The following LSAMP variants were observed in gnomAD, a reference collection of about 807,000 sequenced individuals.
The protein encoded by LSAMP is limbic system associated membrane protein, also known as limbic system-associated membrane protein.
Under a neutral mutation model 38.6 loss-of-function variants are expected in LSAMP, and 7 were observed. The ratio of observed to expected loss-of-function variants is 0.18; its 90% confidence interval spans 0.10 to 0.34. The LOEUF (loss-of-function observed/expected upper bound fraction) is 0.34. Ranked by LOEUF, LSAMP falls within the 10% of genes least tolerant of loss-of-function variation. The pLI is 1.00. For missense variants in LSAMP, 313 were observed against 420.0 expected (o/e 0.75, Z 2.23); for synonymous variants, 154 against 166.8 (o/e 0.92, Z 0.59).
intron 1 of LSAMP, among the ~76,000 whole-genome samples, chr3:116,400,599 C>T (rs1345569258): frequency 6.6e-6 from 1 of 151,940 alleles, no homozygotes; most frequent in African/African-American, 2.4e-5. Context: ...TTGTCTCAGC[C>T]CCCAAGTAGC....
chr3:116,224,753 T>C (rs933701978), intron 1 of LSAMP, among the ~76,000 whole-genome samples: 2 of 152,156 alleles, frequency 1.3e-5, no homozygotes, highest in Non-Finnish European at 2.9e-5. Flanking sequence ...ATGGAAGCCG[T>C]AGTTCTTGAG....
At chr3:116,426,461 C>CAAAAAAAAAAAAAAAAAAAAAAAAAA (rs34278703) in intron 1 of LSAMP, among the ~76,000 whole-genome samples, 1 of 85,536 alleles carries the variant, frequency 1.2e-5, no homozygotes, top group Non-Finnish European at 2.3e-5. Flanking sequence ...AACTCCGTCT[C>CAAAAAAAAAAAAAAAAAAAAAAAAAA]AAAAAAAAAA....
In LSAMP at chr3:115,810,413, T is replaced by C; in HGVS notation, c.921A>G (p.Arg307=). ...CATTTATTCCTCTCACCGACCCAGG[T>C]CCTGCAGAGCAAAAGAGGAGAGAGA... ...GVTNASLVLF[R]PGSVRGINGS... is the part of the protein sequence containing the mutation. Residue 307 remains arginine (R), a splice_region_variant and synonymous_variant, in exon 7 of 7, where the codon AGA becomes AGG. Transcript: ENST00000490035. 1 of 1,609,512 alleles carries C rather than the reference T, an allele frequency of 6.2e-7. No homozygotes were observed. Among genetic ancestry groups the C allele is most frequent in the East Asian group, 2.2e-5 (1 of 44,856 alleles).
intron 1 of LSAMP, among the ~76,000 whole-genome samples, chr3:116,391,842 G>A (rs939872621): frequency 3.3e-5 from 5 of 152,092 alleles, no homozygotes; most frequent in South Asian, 2.1e-4. Flanking sequence ...GGTTTCTTGC[G>A]CCTTGGGAAG....
Position 115,808,228 on chromosome 3 carries a change from G to A in LSAMP, c.*2089C>T, listed in dbSNP as rs1405597357. ...TCCTTTCTTTTTTTCCAGTTACAAA[G>A]TTTCTCATTTTATAACATGGAACAG... On this transcript the variant is annotated 3_prime_UTR_variant, in exon 7 of 7. Transcript: ENST00000490035. The A allele has an allele frequency of 1.4e-5, 2 of 146,806 alleles. No individual in the cohort carries two copies. The highest frequency in any genetic ancestry group is 3.0e-5 in the Non-Finnish European group (2 of 67,032). The allele number at this position is 146,806 out of a possible 1,614,324, so 9.1% of individuals were successfully genotyped here. A position where few individuals can be genotyped will look rare whatever the true frequency, so the allele number is the denominator to read the frequency against.
chr3:115,915,112 T>C (rs1384898194), intron 3 of LSAMP, among the ~76,000 whole-genome samples: 1 of 152,222 alleles, frequency 6.6e-6, no homozygotes, highest in Non-Finnish European at 1.5e-5. Context: ...TGCTGTTATG[T>C]AAGTTAAACT....
chr3:115,924,639 T>C (rs1937457928), intron 3 of LSAMP, among the ~76,000 whole-genome samples: 1 of 152,202 alleles, frequency 6.6e-6, no homozygotes, highest in South Asian at 2.1e-4. Context: ...GATAGGCTGA[T>C]AAAGTAGGGA....
chr3:116,428,509 A>G (rs1356006657), intron 1 of LSAMP, among the ~76,000 whole-genome samples: 2 of 152,176 alleles, frequency 1.3e-5, no homozygotes, highest in African/African-American at 4.8e-5. Context: ...AAAACCTACC[A>G]TGTATTTAGA....
intron 1 of LSAMP, among the ~76,000 whole-genome samples, chr3:116,209,890 A>G (rs991890056): frequency 6.6e-6 from 1 of 152,066 alleles, no homozygotes; most frequent in Non-Finnish European, 1.5e-5. Context: ...AGCTGGGACT[A>G]CAGGCATCCG....
At chr3:115,899,821 G>A (rs1431864965) in intron 3 of LSAMP, among the ~76,000 whole-genome samples, 1 of 152,138 alleles carries the variant, frequency 6.6e-6, no homozygotes, top group African/African-American at 2.4e-5. Flanking sequence ...GTCGACAACA[G>A]AAGTCTCTAA....
chr3:116,344,983 C>G (rs1316243731), intron 1 of LSAMP, among the ~76,000 whole-genome samples: 1 of 152,094 alleles, frequency 6.6e-6, no homozygotes, highest in African/African-American at 2.4e-5. Flanking sequence ...AGATTGTAAT[C>G]CCTGTGTGTA....
chr3:115,822,983 A>G lies in LSAMP; in HGVS notation c.920-12569T>C, dbSNP rs139581947. 4.3e-4 allele frequency among the ~76,000 whole-genome samples: 66 copies of G among 152,372 alleles called. No homozygotes were observed. In the East Asian group the frequency reaches 0.012, roughly 27 times the overall value. On this transcript the variant is annotated intron_variant, in intron 6 of 6. Transcript: ENST00000490035. ...ATGGTGTTAATTCCTTGTTGAATGA[A>G]TGAATGAAACCAAACTAAAATAATG...
chr3:116,071,095 A>ATAAC (rs71616340), intron 2 of LSAMP, among the ~76,000 whole-genome samples: 1 of 149,808 alleles, frequency 6.7e-6, no homozygotes, highest in East Asian at 1.9e-4. Flanking sequence ...AAATAAATAA[A>ATAAC]ATAATGTACC....
intron 1 of LSAMP, among the ~76,000 whole-genome samples, chr3:116,127,268 G>C (rs1709028673): frequency 6.6e-6 from 1 of 152,112 alleles, no homozygotes; most frequent in Non-Finnish European, 1.5e-5. Context: ...TGACTGATCT[G>C]ATTGTTTTAA....
intron 1 of LSAMP, among the ~76,000 whole-genome samples, chr3:116,321,932 G>A (rs2047712010): frequency 6.6e-6 from 1 of 152,080 alleles, no homozygotes; most frequent in Non-Finnish European, 1.5e-5. Flanking sequence ...ATATGGTTTA[G>A]TGATGCTTAT....
chr3:116,160,549 A>AAAAGT (rs1709864719), intron 1 of LSAMP, among the ~76,000 whole-genome samples: 3 of 151,968 alleles, frequency 2.0e-5, no homozygotes. Flanking sequence ...AAAAGAAAAG[A>AAAAGT]CTGCCTATTG....
intron 1 of LSAMP, among the ~76,000 whole-genome samples, chr3:116,098,942 C>T (rs2107446532): frequency 6.6e-6 from 1 of 152,342 alleles, no homozygotes; most frequent in South Asian, 2.1e-4. Context: ...TCAGCCTACT[C>T]AAACTGTACA....
intron 1 of LSAMP, among the ~76,000 whole-genome samples, chr3:116,151,900 A>C (rs1023886036): frequency 1.3e-5 from 2 of 152,096 alleles, no homozygotes; most frequent in African/African-American, 4.8e-5. Context: ...CAAAAGTGAC[A>C]CAAGACTCCA....
At chr3:116,421,362 G>A (rs1383349588) in intron 1 of LSAMP, among the ~76,000 whole-genome samples, 1 of 152,088 alleles carries the variant, frequency 6.6e-6, no homozygotes, top group Non-Finnish European at 1.5e-5. Flanking sequence ...CTGGGGTCAG[G>A]AGTTCGAGAC....
Sources: gnomAD v4.1 joint callset for allele counts (sites outside exome capture counted in the v4.1 genomes callset) on GRCh38, gnomAD v4.1.1 for gene constraint, MANE v1.5 for transcripts, NCBI Gene and HGNC (gene_info 2026-07-23, HGNC 2026-07-21) for gene names.